RIMBP2: variants seen among roughly 807,000 people sequenced by gnomAD.
RIMBP2 encodes RIMS binding protein 2, also known as RIMS-binding protein 2.
Under a neutral mutation model 118.6 loss-of-function variants are expected in RIMBP2, and 48 were observed. That is an observed-to-expected ratio of 0.40 (90% CI 0.32 to 0.51). The LOEUF is 0.51. Ranked by LOEUF, RIMBP2 falls within the 20% of genes least tolerant of loss-of-function variation. The pLI is 0.41. For missense variants in RIMBP2, 1,551 were observed against 1,768.3 expected (o/e 0.88, Z 2.20); for synonymous variants, 762 against 742.9 (o/e 1.03, Z -0.42).
At chr12:130,423,656 CAAA>C (rs36000671) in intron 16 of RIMBP2, among the ~76,000 whole-genome samples, 7,054 of 50,500 alleles carry the variant, frequency 0.14, 257 homozygotes, top group South Asian at 0.21. Flanking sequence ...AAACAATATG[CAAA>C]AAAAAAAAAA....
rs1460994284 is a variant in RIMBP2, at chr12:130,412,654, C to G, written c.3554G>C (p.Gly1185Ala). The G allele has an allele frequency of 1.2e-6, 2 of 1,613,800 alleles. No individual in the cohort carries two copies. Among genetic ancestry groups the G allele is most frequent in the Middle Eastern group, 1.6e-4 (1 of 6,084 alleles). ...CACAGGTGTATTCAGAGGGAGAAAG[C>G]CCTGTCTAAGAAGCTGATCCATCAT... The part of the protein sequence containing the change: ...EEMMDQLLRQ[G>A]FLPLNTPVEK... Residue 1185 changes from glycine (G) to alanine (A), a missense_variant, in exon 19 of 23, where the codon GGC becomes GCC. Coordinates refer to ENST00000690449, the MANE Select transcript of RIMBP2 (RefSeq NM_001393629.1).
chr12:130,536,402 A>C (rs2054088910), intron 2 of RIMBP2, among the ~76,000 whole-genome samples: 1 of 152,180 alleles, frequency 6.6e-6, no homozygotes, highest in South Asian at 2.1e-4. Context: ...AAGAATGAAG[A>C]CCAAGCTCTC....
At position 130,571,330 on chromosome 12, in the gene RIMBP2, A is replaced by G. The variant is rs140546195; in HGVS notation, c.-216-53413T>C. Among the ~76,000 whole-genome samples, 635 of 151,992 alleles carry G rather than the reference A, an allele frequency of 4.2e-3. 5 individuals are homozygous for G. The highest frequency in any genetic ancestry group is 0.015 in the African/African-American group (604 of 41,420). On this transcript the variant is annotated intron_variant, in intron 2 of 22. Transcript: ENST00000690449. ...GGTCTAGGAACTGCAACTCCCTGAC[A>G]CTAGATGTTTAGTGGTTTTTGACCA... is the stretch of plus-strand genomic sequence containing the variant.
chr12:130,463,417 G>A (rs2080180638), intron 6 of RIMBP2, among the ~76,000 whole-genome samples: 1 of 152,154 alleles, frequency 6.6e-6, no homozygotes, highest in African/African-American at 2.4e-5. Flanking sequence ...AACTGTAATT[G>A]GAACAAACAG....
intron 2 of RIMBP2, among the ~76,000 whole-genome samples, chr12:130,537,955 GA>G (rs1205133854): frequency 5.9e-5 from 9 of 152,202 alleles, no homozygotes; most frequent in Non-Finnish European, 1.5e-5. Context: ...CAGATGGAAG[GA>G]TAGAATTGTC....
intron 2 of RIMBP2, among the ~76,000 whole-genome samples, chr12:130,518,409 A>G (rs760191907): frequency 7.2e-5 from 11 of 152,222 alleles, no homozygotes; most frequent in Non-Finnish European, 1.5e-4. Context: ...AGAGTCCAAA[A>G]ATAGGCAGGG....
In RIMBP2 at chr12:130,450,234, A is replaced by C. The variant is rs1344647855; in HGVS notation, c.547T>G (p.Ser183Ala). ...RNSNTSKQRY[S>A]GKVHLCVARY... ...GCAACACAGAGGTGGACCTTCCCCGAGTATCTCTGCTTGGAGGTATTGGAA... is the reference window on the plus strand; with the variant it reads ...GCAACACAGAGGTGGACCTTCCCCGCGTATCTCTGCTTGGAGGTATTGGAA... Residue 183 changes from serine (S) to alanine (A), a missense_variant, in exon 9 of 23, where the codon TCG (serine) becomes GCG (alanine). This residue lies in a region of RIMBP2 where 239 missense variants were observed against 256.8 expected (regional missense o/e 0.93). Coordinates refer to ENST00000690449, the MANE Select transcript of RIMBP2 (RefSeq NM_001393629.1). The surrounding 1 kb of genome is among the most constrained non-coding windows in gnomAD (Gnocchi z 4.8). 9 of 1,609,700 alleles carry C rather than the reference A, an allele frequency of 5.6e-6. No individual in the cohort carries two copies. Among genetic ancestry groups the C allele is most frequent in the Non-Finnish European group, 7.6e-6 (9 of 1,177,736 alleles).
intron 1 of RIMBP2, among the ~76,000 whole-genome samples, chr12:130,638,630 G>T (rs905910607): frequency 1.8e-4 from 28 of 152,142 alleles, no homozygotes; most frequent in African/African-American, 6.0e-4. Context: ...AATGCCTGAT[G>T]ATCTGAGGTT....
In RIMBP2 at chr12:130,683,402, G is replaced by C. The variant is rs2064893016; in HGVS notation, c.-352+32820C>G. 6.6e-6 allele frequency among the ~76,000 whole-genome samples: 1 copy of C among 152,210 alleles called. No individual in the cohort carries two copies. The highest frequency in any genetic ancestry group is 1.5e-5 in the Non-Finnish European group (1 of 68,042). ...CAGAGCTGCGAGAGGATGCATTCAG[G>C]TTGTAAAGGCCCCCAGCTCTGATCA... On this transcript the variant is annotated intron_variant, in intron 1 of 22. Coordinates refer to ENST00000690449, the MANE Select transcript of RIMBP2 (RefSeq NM_001393629.1). The surrounding 1 kb of genome is among the most constrained non-coding windows in gnomAD (Gnocchi z 4.4).
Position 130,621,823 on chromosome 12 carries a change from G to T in RIMBP2, c.-217+6499C>A, listed in dbSNP as rs921982194. Among the ~76,000 whole-genome samples the T allele has an allele frequency of 6.6e-6, 1 of 152,120 alleles. No individual in the cohort carries two copies. Among genetic ancestry groups the T allele is most frequent in the African/African-American group, 2.4e-5 (1 of 41,418 alleles). On this transcript the variant is annotated intron_variant, in intron 2 of 22. Coordinates refer to ENST00000690449, the MANE Select transcript of RIMBP2 (RefSeq NM_001393629.1). The surrounding 1 kb of genome is among the most constrained non-coding windows in gnomAD (Gnocchi z 6.6). Reference sequence around the variant, plus strand: ...TGTACTCTACCCTTTTACTGCCCTTGAAGGTAAACCTGGAGCCATCGCTGA... The same window carrying T: ...TGTACTCTACCCTTTTACTGCCCTTTAAGGTAAACCTGGAGCCATCGCTGA...
In RIMBP2 at chr12:130,511,925, G is replaced by A. The variant is rs1176875070; in HGVS notation, c.-126-5155C>T. On this transcript the variant is annotated intron_variant, in intron 3 of 22. Coordinates refer to ENST00000690449, the MANE Select transcript of RIMBP2 (RefSeq NM_001393629.1). The surrounding 1 kb of genome is among the most constrained non-coding windows in gnomAD (Gnocchi z 4.3). Reference sequence around the variant, plus strand: ...GCCTCTGGCCAGGGTCACCACCTCTGGGCTTCCTGAGCACAACAGTGCCCT... The same window carrying A: ...GCCTCTGGCCAGGGTCACCACCTCTAGGCTTCCTGAGCACAACAGTGCCCT... Among the ~76,000 whole-genome samples, 1 of 152,106 alleles carries A rather than the reference G, an allele frequency of 6.6e-6. No homozygotes were observed. The highest frequency in any genetic ancestry group is 1.5e-5 in the Non-Finnish European group (1 of 68,020).
Position 130,683,213 on chromosome 12 carries a change from C to T in RIMBP2, c.-352+33009G>A, listed in dbSNP as rs956301131. Among the ~76,000 whole-genome samples the T allele has an allele frequency of 2.6e-5, 4 of 152,234 alleles. No individual in the cohort carries two copies. Among genetic ancestry groups the T allele is most frequent in the East Asian group, 1.9e-4 (1 of 5,170 alleles). Reference sequence around the variant, plus strand: ...AGGTAGAAAAGGACACACACAGACACGGGAAAGCTCACACGGATGGCAGTG... The same window carrying T: ...AGGTAGAAAAGGACACACACAGACATGGGAAAGCTCACACGGATGGCAGTG... On this transcript the variant is annotated intron_variant, in intron 1 of 22. Transcript: ENST00000690449. The surrounding 1 kb of genome is among the most constrained non-coding windows in gnomAD (Gnocchi z 4.4).
intron 4 of RIMBP2, among the ~76,000 whole-genome samples, chr12:130,501,740 C>G (rs756347449): frequency 3.3e-5 from 5 of 152,232 alleles, no homozygotes; most frequent in African/African-American, 7.2e-5. Flanking sequence ...CTGCAAGGAG[C>G]AGGACCTCTG....
chr12:130,646,322 T>A (rs61936799), intron 1 of RIMBP2, among the ~76,000 whole-genome samples: 1,375 of 5,192 alleles, frequency 0.26, 330 homozygotes, highest in Admixed American at 0.4. Context: ...CACTTCCCTC[T>A]CCACCTGCCT....
intron 2 of RIMBP2, among the ~76,000 whole-genome samples, chr12:130,564,820 C>T (rs767006480): frequency 7.0e-4 from 107 of 152,168 alleles, no homozygotes; most frequent in Non-Finnish European, 1.4e-3. Context: ...CCTGAGCCTA[C>T]AGTTAATAAG....
At chr12:130,613,813 C>CAAAA (rs376443531) in intron 2 of RIMBP2, among the ~76,000 whole-genome samples, 13 of 105,040 alleles carry the variant, frequency 1.2e-4, no homozygotes, top group Admixed American at 2.1e-4. Flanking sequence ...GACTCTGTCT[C>CAAAA]AAAAAAAAAA....
intron 2 of RIMBP2, among the ~76,000 whole-genome samples, chr12:130,625,164 G>A (rs958390465): frequency 3.3e-5 from 5 of 152,110 alleles, no homozygotes; most frequent in African/African-American, 1.2e-4. Flanking sequence ...TTTATGCTAG[G>A]CACTTTCAAA....
intron 2 of RIMBP2, among the ~76,000 whole-genome samples, chr12:130,584,799 C>CAACCATTACAT (rs368813482): frequency 3.3e-5 from 5 of 152,184 alleles, no homozygotes; most frequent in East Asian, 1.9e-4. Context: ...ATCACTATCA[C>CAACCATTACAT]CATCATCTTT....
chr12:130,614,074 G>A (rs887705729), intron 2 of RIMBP2, among the ~76,000 whole-genome samples: 19 of 152,208 alleles, frequency 1.2e-4, no homozygotes, highest in Admixed American at 3.3e-4. Flanking sequence ...ACTTGCAGCT[G>A]AACGCTGTCT....
Sources: gnomAD v4.1 joint callset for allele counts (sites outside exome capture counted in the v4.1 genomes callset) on GRCh38, gnomAD v4.1.1 for gene constraint, gnomAD v4.1.1 regional missense constraint, Gnocchi (gnomAD v3.1) non-coding constraint, MANE v1.5 for transcripts, NCBI Gene and HGNC (gene_info 2026-07-23, HGNC 2026-07-21) for gene names.